SEC31A: variants seen among roughly 807,000 people sequenced by gnomAD.
The protein encoded by SEC31A is protein transport protein Sec31A.
A neutral mutation model predicts 151.0 loss-of-function variants in SEC31A; 70 were observed. The ratio of observed to expected loss-of-function variants is 0.46; its 90% CI spans 0.38 to 0.57. SEC31A has a LOEUF of 0.57. Among genes scored for constraint, SEC31A ranks in the 20% least tolerant of loss-of-function variants. The probability of loss-of-function intolerance (pLI) is 0.00; values close to 1 mark genes in which losing one functional copy is unlikely to be tolerated. For synonymous variants in SEC31A, 475 were observed against 505.9 expected (o/e 0.94, Z 0.82); for missense variants, 1,330 against 1,471.2 (o/e 0.90, Z 1.57).
At chr4:82,891,253 G>T, upstream of SEC31A, 2 of 1,370,200 alleles carry the variant, frequency 1.5e-6, no homozygotes, top group Non-Finnish European at 2.0e-6. Flanking sequence ...TTCCGGGAGC[G>T]ACATCTTTCC....
At chr4:82,846,962 G>C (rs1730372453) in intron 20 of SEC31A, among the ~76,000 whole-genome samples, 1 of 152,164 alleles carries the variant, frequency 6.6e-6, no homozygotes, top group Non-Finnish European at 1.5e-5. Flanking sequence ...GGATTCACCT[G>C]CCTTGGCCTC....
At chr4:82,827,270 G>A (rs1724822961) in intron 24 of SEC31A, 99 bp downstream of exon 24, 1 of 1,327,386 alleles carries the variant, frequency 7.5e-7, no homozygotes, top group Non-Finnish European at 1.0e-6. Context: ...TTGTCTAGAT[G>A]TTTAATAATA....
At chr4:82,855,430 G>T (rs1732414195) in intron 16 of SEC31A, among the ~76,000 whole-genome samples, 1 of 152,188 alleles carries the variant, frequency 6.6e-6, no homozygotes, top group Non-Finnish European at 1.5e-5. Flanking sequence ...GTTCCAGTGA[G>T]AAAGGAACAT....
intron 19 of SEC31A, among the ~76,000 whole-genome samples, chr4:82,849,389 C>T (rs1445833331): frequency 1.3e-5 from 2 of 152,092 alleles, no homozygotes; most frequent in African/African-American, 4.8e-5. Context: ...CCGAGGCAGG[C>T]AGATCATGAG....
At chr4:82,898,115 G>A (rs1205455287) in intron 3 of SEC31A, 1 of 152,130 alleles carries the variant, frequency 6.6e-6, no homozygotes, top group African/African-American at 2.4e-5. Context: ...CAATGCCTTT[G>A]CAAATAACAC....
intron 19 of SEC31A, among the ~76,000 whole-genome samples, chr4:82,849,908 C>T (rs1731126613): frequency 1.3e-5 from 2 of 151,714 alleles, no homozygotes; most frequent in African/African-American, 4.8e-5. Context: ...TTATACATTC[C>T]TATATATTTG....
intron 7 of SEC31A, among the ~76,000 whole-genome samples, chr4:82,870,709 A>G (rs1474183662): frequency 6.6e-6 from 1 of 152,152 alleles, no homozygotes; most frequent in East Asian, 1.9e-4. Context: ...CTCAACATAA[A>G]ATAAAAAAAG....
chr4:82,892,611 A>G (rs905774630), upstream of SEC31A, among the ~76,000 whole-genome samples: 1 of 152,362 alleles, frequency 6.6e-6, no homozygotes, highest in African/African-American at 2.4e-5. Context: ...CAAGGAGGCA[A>G]CAGTACTATG....
chr4:82,852,787 A>C (rs1299920354), intron 18 of SEC31A, among the ~76,000 whole-genome samples: 2 of 152,210 alleles, frequency 1.3e-5, no homozygotes, highest in African/African-American at 4.8e-5. Flanking sequence ...TATTGGTGTC[A>C]CATGGCAGTG....
intron 16 of SEC31A, among the ~76,000 whole-genome samples, chr4:82,855,983 A>G (rs555661419): frequency 6.0e-4 from 92 of 152,338 alleles, no homozygotes; most frequent in African/African-American, 2.2e-3. Flanking sequence ...CTACAGTTCA[A>G]TTTAAATAAT....
chr4:82,884,298 C>A (rs1286703536), intron 1 of SEC31A, among the ~76,000 whole-genome samples: 1 of 151,840 alleles, frequency 6.6e-6, no homozygotes, highest in African/African-American at 2.4e-5. Context: ...CATCATTCGA[C>A]AATTTTTCTA....
intron 3 of SEC31A, among the ~76,000 whole-genome samples, chr4:82,879,901 AGAAAAT>A (rs1738890694): frequency 6.6e-6 from 1 of 152,252 alleles, no homozygotes; most frequent in South Asian, 2.1e-4. Context: ...TCGTAACAGA[AGAAAAT>A]AAAAATAAGC....
At chr4:82,873,032 T>G (rs908995341) in intron 6 of SEC31A, among the ~76,000 whole-genome samples, 1 of 152,108 alleles carries the variant, frequency 6.6e-6, no homozygotes, top group Non-Finnish European at 1.5e-5. Context: ...TTAAAATACT[T>G]TCAGAAAAAC....
Position 82,875,780 on chromosome 4 carries a change from T to C in SEC31A, c.445A>G (p.Ile149Val), listed in dbSNP as rs13138325. The change falls in exon 5 of 27, where the codon ATA becomes GTA. Residue 149 changes from isoleucine (I) to valine (V), a missense_variant. By Grantham distance (29) the Ile-to-Val change is conservative (BLOSUM62 3). Coordinates refer to ENST00000395310, the MANE Select transcript of SEC31A (RefSeq NM_001077207.4). ...GTTGCAAAATTATTTAGATCCCATA[T>C]GTAGATTTCAGATTCATTAGCACCA... is the stretch of plus-strand genomic sequence containing the variant. ...ASGANESEIY[I>V]WDLNNFATPM... 3.1e-6 allele frequency: 5 copies of C among 1,609,006 alleles called. No individual in the cohort carries two copies. Among genetic ancestry groups the C allele is most frequent in the South Asian group, 2.2e-5 (2 of 89,556 alleles).
At chr4:82,848,518 G>A (rs1215980302) in intron 20 of SEC31A, among the ~76,000 whole-genome samples, 11 of 152,142 alleles carry the variant, frequency 7.2e-5, no homozygotes, top group African/African-American at 2.4e-4. Context: ...AATAGTAGAT[G>A]TACATGTTTA....
intron 18 of SEC31A, among the ~76,000 whole-genome samples, chr4:82,852,366 T>C (rs1463781152): frequency 6.6e-6 from 1 of 152,216 alleles, no homozygotes; most frequent in Non-Finnish European, 1.5e-5. Flanking sequence ...AGGTGACCCA[T>C]AGACAGAGGC....
At position 82,864,521 on chromosome 4, in the gene SEC31A, G is replaced by GTGC. The variant is rs763553191; in HGVS notation, c.1272_1274dup (p.Gln424dup). 1.1e-5 allele frequency: 17 copies of GTGC among 1,613,736 alleles called. No homozygotes were observed. The highest frequency in any genetic ancestry group is 3.3e-5 in the Admixed American group (2 of 59,966). ...TTACAACCTGACTAATGAACACATG[G>GTGC]TGCTGCTGCTGCTGCTGCTCAGCTC... On this transcript the variant is annotated inframe_insertion, in exon 11 of 27. Transcript: ENST00000395310.
intron 3 of SEC31A, 103 bp downstream of exon 3, chr4:82,880,696 G>A (rs6820324): frequency 0.23 from 216,881 of 929,976 alleles, 29,160 homozygotes; most frequent in African/African-American, 0.47. Context: ...GTTCTTGATG[G>A]TATTCCTTGT....
chr4:82,836,102 C>T lies in SEC31A; in HGVS notation c.2968+6038G>A, dbSNP rs192598296. Among the ~76,000 whole-genome samples the T allele has an allele frequency of 1.5e-3, 229 of 152,048 alleles. 2 individuals carry two copies. The Middle Eastern group carries it at 0.024, about 16-fold the overall frequency. On this transcript the variant is annotated intron_variant, in intron 22 of 26. Transcript: ENST00000395310. The stretch of plus-strand genomic sequence containing the variant: ...TATACACTAAAAAATTGGCCGGGCG[C>T]GGTGGCTCATGCCTGTAATCCCAGC...
Sources: allele counts gnomAD v4.1 joint callset (sites outside exome capture counted in the v4.1 genomes callset), GRCh38; gene constraint gnomAD v4.1.1; transcripts MANE v1.5; gene names NCBI Gene and HGNC (gene_info 2026-07-23, HGNC 2026-07-21).